The following CSMD3 variants were observed in gnomAD, a reference collection of about 807,000 sequenced individuals.
CSMD3 encodes CUB and sushi domain-containing protein 3.
CSMD3 carries 177 observed loss-of-function variants against 435.2 expected under a neutral mutation model. The ratio of observed to expected loss-of-function variants is 0.41; its 90% confidence interval spans 0.36 to 0.46. CSMD3 has a LOEUF of 0.46. Among genes scored for constraint, CSMD3 ranks in the 20% least tolerant of loss-of-function variants. The pLI is 0.34. For missense variants in CSMD3, 4,265 were observed against 4,504.6 expected (o/e 0.95, Z 1.52); for synonymous variants, 1,656 against 1,520.5 (o/e 1.09, Z -2.07).
chr8:112,936,705 C>T (rs1389904018), intron 9 of CSMD3, among the ~76,000 whole-genome samples: 2 of 152,022 alleles, frequency 1.3e-5, no homozygotes, highest in Non-Finnish European at 2.9e-5. Flanking sequence ...AATATTCTAA[C>T]ACTACTCAGG....
At chr8:113,409,853 C>T (rs1167036555) in intron 1 of CSMD3, among the ~76,000 whole-genome samples, 2 of 149,644 alleles carry the variant, frequency 1.3e-5, no homozygotes, top group East Asian at 4.0e-4. Flanking sequence ...TATGTGCATT[C>T]ATATACTCCA....
intron 6 of CSMD3, among the ~76,000 whole-genome samples, chr8:112,992,835 T>G (rs776016507): frequency 4.0e-5 from 6 of 150,714 alleles, no homozygotes; most frequent in Non-Finnish European, 8.9e-5. Flanking sequence ...GTGTGTGTGT[T>G]TTTGTGTAGG....
At chr8:112,400,873 C>T (rs1266498675) in intron 35 of CSMD3, among the ~76,000 whole-genome samples, 3 of 151,980 alleles carry the variant, frequency 2.0e-5, no homozygotes, top group African/African-American at 4.8e-5. Flanking sequence ...AGAATAGGGG[C>T]CCTCTTCAGT....
At chr8:112,850,849 G>A (rs1009129561) in intron 11 of CSMD3, among the ~76,000 whole-genome samples, 2 of 152,114 alleles carry the variant, frequency 1.3e-5, no homozygotes, top group African/African-American at 4.8e-5. Flanking sequence ...AATACAGATT[G>A]GGGCAGAGAT....
chr8:112,617,447 T>G (rs1833748608), intron 22 of CSMD3, among the ~76,000 whole-genome samples: 2 of 152,154 alleles, frequency 1.3e-5, no homozygotes, highest in Admixed American at 1.3e-4. Context: ...TATGTGTAAA[T>G]ACACCTAGGA....
intron 10 of CSMD3, among the ~76,000 whole-genome samples, chr8:112,878,610 T>C (rs774357752): frequency 3.3e-5 from 5 of 152,150 alleles, no homozygotes; most frequent in African/African-American, 1.2e-4. Flanking sequence ...TAAAGACATG[T>C]GCACATGTAT....
chr8:112,272,926 C>T (rs753832896), intron 59 of CSMD3, among the ~76,000 whole-genome samples: 34 of 151,984 alleles, frequency 2.2e-4, no homozygotes, highest in Admixed American at 4.6e-4. Flanking sequence ...AACTTTTTGC[C>T]TATGAAGTAC....
rs549735145 is a variant in CSMD3, at chr8:112,591,181, TATAAA to T, written c.3716-3951_3716-3947del. On this transcript the variant is annotated intron_variant, in intron 22 of 70. Coordinates refer to ENST00000297405, the MANE Select transcript of CSMD3 (RefSeq NM_198123.2). ...TTTTCTGAAAAACAAGTCCTATTCA[TATAAA>T]ATATTTTTTTATTTAAATGTACAGA... 3.9e-4 allele frequency among the ~76,000 whole-genome samples: 60 copies of T among 152,222 alleles called. No individual in the cohort carries two copies. The South Asian group carries it at 0.012, about 31-fold the overall frequency.
intron 13 of CSMD3, among the ~76,000 whole-genome samples, chr8:112,756,254 T>C (rs12676687): frequency 0.33 from 50,531 of 151,992 alleles, 9,259 homozygotes; most frequent in African/African-American, 0.5. Context: ...TTAGAACATC[T>C]CATTAAACTT....
chr8:112,987,703 T>C (rs978738076), intron 6 of CSMD3, among the ~76,000 whole-genome samples: 1 of 152,226 alleles, frequency 6.6e-6, no homozygotes, highest in South Asian at 2.1e-4. Context: ...CACTTGTATG[T>C]GAGTCAATAT....
At chr8:113,095,501 G>A (rs2090137228) in intron 5 of CSMD3, among the ~76,000 whole-genome samples, 2 of 152,056 alleles carry the variant, frequency 1.3e-5, no homozygotes, top group African/African-American at 4.8e-5. Context: ...TACATCCAGT[G>A]ATCAGTTTTG....
Position 113,352,720 on chromosome 8 carries a change from T to G in CSMD3, c.179-37927A>C, listed in dbSNP as rs186067568. ...GACAAAGACTGAAAAGAAAACAGCT[T>G]AAGTTTGCAAGAGAGAAAGGAAACC... On this transcript the variant is annotated intron_variant, in intron 1 of 70. Transcript: ENST00000297405. 2.0e-5 allele frequency among the ~76,000 whole-genome samples: 3 copies of G among 152,158 alleles called. No homozygotes were observed. The East Asian group carries it at 5.8e-4, about 29-fold the overall frequency.
intron 35 of CSMD3, among the ~76,000 whole-genome samples, chr8:112,396,417 A>G (rs1830867062): frequency 6.6e-6 from 1 of 152,192 alleles, no homozygotes; most frequent in South Asian, 2.1e-4. Flanking sequence ...AACTCCCCAT[A>G]TAATATGTAA....
chr8:112,925,552 C>CAAA (rs112849223), intron 9 of CSMD3, among the ~76,000 whole-genome samples: 1 of 145,672 alleles, frequency 6.9e-6, no homozygotes, highest in East Asian at 2.0e-4. Flanking sequence ...GACGCCATCT[C>CAAA]AAAAAAAAAA....
At chr8:113,210,604 G>A (rs770877667) in intron 3 of CSMD3, among the ~76,000 whole-genome samples, 4 of 151,892 alleles carry the variant, frequency 2.6e-5, no homozygotes, top group African/African-American at 7.3e-5. Context: ...GCTGTGGGGC[G>A]CAGTGGCTTA....
intron 1 of CSMD3, among the ~76,000 whole-genome samples, chr8:113,427,949 G>A (rs16884651): frequency 4.0e-5 from 6 of 151,328 alleles, no homozygotes; most frequent in Admixed American, 3.9e-4. Context: ...TTACTCAAGA[G>A]CCTCCATTAG....
At chr8:113,309,196 C>T (rs958760511) in intron 2 of CSMD3, 3 of 151,984 alleles carry the variant, frequency 2.0e-5, no homozygotes, top group African/African-American at 7.3e-5. Context: ...AGCCATTGGC[C>T]TCCCAAAGTT....
In CSMD3 at chr8:112,237,372, C is replaced by T. The variant is rs369741657; in HGVS notation, c.10469-24G>A. 2.6e-6 allele frequency: 4 copies of T among 1,531,912 alleles called. No individual in the cohort carries two copies. In the South Asian group the frequency reaches 4.5e-5, roughly 17 times the overall value. The allele number at this position is 1,531,912 out of a possible 1,614,324, so 94.9% of individuals were successfully genotyped here. On this transcript the variant is annotated intron_variant, in intron 66 of 70. Coordinates refer to ENST00000297405, the MANE Select transcript of CSMD3 (RefSeq NM_198123.2). ...AACTGTGAATAGATTAAATATACCACACATTAATTTTACAATGCCATATAA... is the reference window on the plus strand; with the variant it reads ...AACTGTGAATAGATTAAATATACCATACATTAATTTTACAATGCCATATAA...
At position 112,351,151 on chromosome 8, in the gene CSMD3, ATACTT is replaced by A. The variant is rs779486609; in HGVS notation, c.6325+19_6325+23del. 1 of 1,384,306 alleles carries A rather than the reference ATACTT, an allele frequency of 7.2e-7. No homozygotes were observed. Among genetic ancestry groups the A allele is most frequent in the South Asian group, 1.2e-5 (1 of 86,252 alleles). The allele number at this position is 1,384,306 out of a possible 1,614,324, so 85.8% of individuals were successfully genotyped here. A position where few individuals can be genotyped will look rare whatever the true frequency, so the allele number is the denominator to read the frequency against. ...TTTTACACTTTAAGTTCTAGGGTAA[ATACTT>A]TATAGTCTTTTAACTTACCTAAACA... On this transcript the variant is annotated intron_variant, in intron 40 of 70. Transcript: ENST00000297405.
Sources: gnomAD v4.1 joint callset for allele counts (sites outside exome capture counted in the v4.1 genomes callset) on GRCh38, gnomAD v4.1.1 for gene constraint, MANE v1.5 for transcripts, NCBI Gene and HGNC (gene_info 2026-07-23, HGNC 2026-07-21) for gene names.